The following COG5 variants were observed in gnomAD, a reference collection of about 807,000 sequenced individuals.
The protein encoded by COG5 is conserved oligomeric Golgi complex subunit 5.
In COG5, 86 loss-of-function variants were observed where a neutral mutation model predicts 110.4. That is an observed-to-expected ratio of 0.78 (90% CI 0.65 to 0.93). The LOEUF (loss-of-function observed/expected upper bound fraction) is 0.93. Ranked by LOEUF, COG5 falls within the 40% of genes least tolerant of loss-of-function variation. The pLI, the probability that COG5 is intolerant of heterozygous loss-of-function variation, is 0.00. For synonymous variants in COG5, 360 were observed against 334.6 expected (o/e 1.08, Z -0.83); for missense variants, 1,077 against 987.0 (o/e 1.09, Z -1.22).
At chr7:107,227,033 G>A (rs1188180088) in intron 19 of COG5, among the ~76,000 whole-genome samples, 1 of 152,148 alleles carries the variant, frequency 6.6e-6, no homozygotes, top group South Asian at 2.1e-4. Context: ...AATCCCAAGA[G>A]AAAAGGGTAT....
At chr7:107,408,935 C>T (rs538727458) in intron 7 of COG5, among the ~76,000 whole-genome samples, 1 of 152,054 alleles carries the variant, frequency 6.6e-6, no homozygotes, top group South Asian at 2.1e-4. Flanking sequence ...CCAACCATAT[C>T]CTATAATAAA....
chr7:107,313,165 G>C (rs948061555), intron 11 of COG5, among the ~76,000 whole-genome samples: 2 of 152,202 alleles, frequency 1.3e-5, no homozygotes, highest in African/African-American at 4.8e-5. Context: ...AGCAAAGCTA[G>C]ATCAACCTCA....
chr7:107,254,937 A>G (rs1802771520), intron 16 of COG5, among the ~76,000 whole-genome samples: 1 of 152,230 alleles, frequency 6.6e-6, no homozygotes, highest in Non-Finnish European at 1.5e-5. Flanking sequence ...ATAGACTAGC[A>G]TAGAAAATAT....
intron 6 of COG5, among the ~76,000 whole-genome samples, chr7:107,416,677 T>A (rs1456933618): frequency 6.6e-6 from 1 of 152,196 alleles, no homozygotes; most frequent in Non-Finnish European, 1.5e-5. Context: ...TTACTATAAC[T>A]GTATTTCATA....
intron 11 of COG5, among the ~76,000 whole-genome samples, chr7:107,306,014 C>A (rs972741303): frequency 2.6e-5 from 4 of 152,024 alleles, no homozygotes; most frequent in Non-Finnish European, 5.9e-5. Context: ...AATCTTTCTG[C>A]CACAATAAAA....
intron 10 of COG5, among the ~76,000 whole-genome samples, chr7:107,358,663 A>C (rs1812839088): frequency 6.6e-6 from 1 of 152,196 alleles, no homozygotes; most frequent in African/African-American, 2.4e-5. Context: ...TGTGACAAAC[A>C]ATATGGTTTA....
chr7:107,391,782 C>T (rs1019622651), intron 7 of COG5, among the ~76,000 whole-genome samples: 3 of 152,136 alleles, frequency 2.0e-5, no homozygotes, highest in Admixed American at 6.5e-5. Flanking sequence ...TACATCATCC[C>T]TGAAAGTCAA....
chr7:107,469,818 C>T (rs1240764306), intron 6 of COG5, among the ~76,000 whole-genome samples: 1 of 151,978 alleles, frequency 6.6e-6, no homozygotes, highest in Non-Finnish European at 1.5e-5. Flanking sequence ...AAGTGACCAA[C>T]AAACCAGAAT....
chr7:107,535,007 T>A (rs1801477263), intron 5 of COG5, among the ~76,000 whole-genome samples: 1 of 151,582 alleles, frequency 6.6e-6, no homozygotes, highest in African/African-American at 2.4e-5. Flanking sequence ...AACTCAGGAT[T>A]AAGAAATTCT....
intron 12 of COG5, among the ~76,000 whole-genome samples, chr7:107,289,875 C>A (rs550605373): frequency 5.2e-4 from 79 of 152,214 alleles, no homozygotes; most frequent in Non-Finnish European, 9.3e-4. Context: ...ACCTCCTGTG[C>A]CAAACTTGCT....
chr7:107,548,091 A>C lies in COG5; in HGVS notation c.417+20T>G, dbSNP rs1231300519. 5 of 1,595,708 alleles carry C rather than the reference A, an allele frequency of 3.1e-6. No homozygotes were observed. Among genetic ancestry groups the C allele is most frequent in the Non-Finnish European group, 4.3e-6 (5 of 1,163,954 alleles). ...ACAAAATGAATAATAAAGTATAAAG[A>C]AATAAAAGTAAGAAACTACCTGAAG... On this transcript the variant is annotated intron_variant, in intron 5 of 21. Transcript: ENST00000297135.
intron 2 of COG5, among the ~76,000 whole-genome samples, chr7:107,555,693 T>G (rs544321316): frequency 2.6e-5 from 4 of 152,314 alleles, no homozygotes; most frequent in African/African-American, 9.6e-5. Context: ...TAAATGATTT[T>G]TCCAAGAGTT....
intron 7 of COG5, among the ~76,000 whole-genome samples, chr7:107,403,108 G>C (rs145331398): frequency 1.3e-5 from 2 of 152,252 alleles, no homozygotes; most frequent in Non-Finnish European, 2.9e-5. Flanking sequence ...AGTGATGAAA[G>C]AGGTTATTTG....
At chr7:107,379,137 A>G (rs541534932) in intron 7 of COG5, among the ~76,000 whole-genome samples, 1 of 152,210 alleles carries the variant, frequency 6.6e-6, no homozygotes, top group Non-Finnish European at 1.5e-5. Flanking sequence ...AAAGAAAAGA[A>G]TTTTCAACCC....
In COG5 at chr7:107,248,404, G is replaced by A. The variant is rs746373863; in HGVS notation, c.1845C>T (p.Asp615=). ...TGGTTAGAAGTAATTACCCAGAAAA[G>A]TCTTCTTGATGCATGGTGATGATTA... The part of the protein sequence containing the change: ...EAIIITMHQE[D]FSGSLSSSGK... Residue 615 remains aspartate (D), a synonymous_variant, in exon 17 of 22, where the codon GAC becomes GAT. Coordinates refer to ENST00000297135, the MANE Select transcript of COG5 (RefSeq NM_006348.5). 1.7e-5 allele frequency: 28 copies of A among 1,604,058 alleles called. No homozygotes were observed. Among genetic ancestry groups the A allele is most frequent in the Middle Eastern group, 1.6e-4 (1 of 6,070 alleles).
intron 6 of COG5, among the ~76,000 whole-genome samples, chr7:107,515,869 A>G (rs556390039): frequency 4.6e-5 from 7 of 152,238 alleles, no homozygotes; most frequent in Admixed American, 1.3e-4. Flanking sequence ...TAAGCCAGAA[A>G]GAGTAAGAAA....
At chr7:107,364,489 A>T (rs1034210755) in intron 8 of COG5, among the ~76,000 whole-genome samples, 2 of 152,222 alleles carry the variant, frequency 1.3e-5, no homozygotes, top group African/African-American at 4.8e-5. Context: ...AGAGAGTGAG[A>T]CTAAGAATTT....
intron 14 of COG5, among the ~76,000 whole-genome samples, chr7:107,265,411 G>A (rs1204399977): frequency 6.6e-6 from 1 of 152,018 alleles, no homozygotes; most frequent in Non-Finnish European, 1.5e-5. Context: ...CCGAGTAGCT[G>A]GGACCACAGG....
At chr7:107,333,824 T>C (rs924020767) in intron 10 of COG5, among the ~76,000 whole-genome samples, 3 of 151,862 alleles carry the variant, frequency 2.0e-5, no homozygotes, top group African/African-American at 7.3e-5. Context: ...ATACATAGAG[T>C]AAAAAGTAAA....
Sources: allele counts gnomAD v4.1 joint callset (sites outside exome capture counted in the v4.1 genomes callset), GRCh38; gene constraint gnomAD v4.1.1; transcripts MANE v1.5; gene names NCBI Gene and HGNC (gene_info 2026-07-23, HGNC 2026-07-21).